GRM7: variants seen among roughly 807,000 people sequenced by gnomAD.
GRM7 encodes metabotropic glutamate receptor 7.
A neutral mutation model predicts 84.5 loss-of-function variants in GRM7; 35 were observed. The ratio of observed to expected loss-of-function variants is 0.41; its 90% CI spans 0.32 to 0.55. GRM7 has a LOEUF of 0.55. Among genes scored for constraint, GRM7 ranks in the 20% least tolerant of loss-of-function variants. GRM7 has a pLI of 0.19. For missense variants in GRM7, 1,003 were observed against 1,194.6 expected (o/e 0.84, Z 2.36); for synonymous variants, 487 against 455.1 (o/e 1.07, Z -0.89).
chr3:7,378,959 A>G (rs1694472549), intron 4 of GRM7, among the ~76,000 whole-genome samples: 1 of 152,248 alleles, frequency 6.6e-6, no homozygotes, highest in South Asian at 2.1e-4. Flanking sequence ...TCTAACAGAA[A>G]CACTATCCAG....
At chr3:7,731,309 A>G (rs1427048521) in intron 9 of GRM7, among the ~76,000 whole-genome samples, 1 of 152,136 alleles carries the variant, frequency 6.6e-6, no homozygotes, top group Non-Finnish European at 1.5e-5. Context: ...AAAGGGATGG[A>G]AAAAAAGGAT....
chr3:7,138,147 C>T (rs978215241), intron 1 of GRM7, among the ~76,000 whole-genome samples: 1 of 151,964 alleles, frequency 6.6e-6, no homozygotes, highest in Non-Finnish European at 1.5e-5. Context: ...TGGCTATTCA[C>T]TTGGCTATCT....
intron 7 of GRM7, among the ~76,000 whole-genome samples, chr3:7,473,022 C>A (rs1698764947): frequency 6.6e-6 from 1 of 152,174 alleles, no homozygotes; most frequent in African/African-American, 2.4e-5. Flanking sequence ...ATATACCCAG[C>A]TCTCACATTC....
intron 1 of GRM7, among the ~76,000 whole-genome samples, chr3:6,931,779 T>C (rs537738123): frequency 5.3e-5 from 8 of 152,246 alleles, no homozygotes; most frequent in Non-Finnish European, 1.0e-4. Context: ...GTGTCTCTCT[T>C]TTTGGCTATT....
intron 1 of GRM7, among the ~76,000 whole-genome samples, chr3:6,900,862 G>T: frequency 6.6e-6 from 1 of 152,162 alleles, no homozygotes; most frequent in East Asian, 1.9e-4. Flanking sequence ...ACCTAGCCCT[G>T]CAAGCACCAG....
chr3:7,678,718 T>C (rs1008992984), intron 8 of GRM7, among the ~76,000 whole-genome samples: 19 of 152,362 alleles, frequency 1.2e-4, no homozygotes, highest in Admixed American at 3.9e-4. Context: ...TTCAAATTAA[T>C]GTTGGCTAGA....
intron 7 of GRM7, among the ~76,000 whole-genome samples, chr3:7,481,170 C>T (rs1699113355): frequency 6.6e-6 from 1 of 151,948 alleles, no homozygotes; most frequent in South Asian, 2.1e-4. Context: ...CATCAATCTC[C>T]CAGGCTGAAG....
chr3:7,604,252 A>C (rs1696456563), intron 8 of GRM7, among the ~76,000 whole-genome samples: 1 of 152,188 alleles, frequency 6.6e-6, no homozygotes, highest in South Asian at 2.1e-4. Context: ...TGTGATCATA[A>C]AATAAGACTG....
chr3:7,278,396 C>G (rs983569487), intron 2 of GRM7, among the ~76,000 whole-genome samples: 2 of 152,026 alleles, frequency 1.3e-5, no homozygotes, highest in Non-Finnish European at 2.9e-5. Flanking sequence ...TGAAAGAAAA[C>G]ATGTTATTAA....
chr3:7,317,776 CTG>C (rs941591874), intron 4 of GRM7, among the ~76,000 whole-genome samples: 18 of 150,676 alleles, frequency 1.2e-4, no homozygotes, highest in African/African-American at 3.9e-4. Flanking sequence ...AAAAAAAAAA[CTG>C]TGCAAGGTAG....
intron 7 of GRM7, among the ~76,000 whole-genome samples, chr3:7,509,365 A>C (rs1355091820): frequency 6.6e-6 from 1 of 152,200 alleles, no homozygotes. Flanking sequence ...TACAGTTTGA[A>C]AAAACATAGT....
intron 1 of GRM7, among the ~76,000 whole-genome samples, chr3:6,994,352 A>G (rs1045000099): frequency 6.6e-6 from 1 of 152,182 alleles, no homozygotes; most frequent in African/African-American, 2.4e-5. Flanking sequence ...CGATAAAGGA[A>G]ACCTGAGCAT....
intron 8 of GRM7, among the ~76,000 whole-genome samples, chr3:7,644,698 A>G (rs920450404): frequency 6.6e-6 from 1 of 152,246 alleles, no homozygotes; most frequent in Non-Finnish European, 1.5e-5. Flanking sequence ...AAATTACCAT[A>G]GAAAATGTTT....
chr3:7,715,041 C>G (rs766644632), intron 9 of GRM7, among the ~76,000 whole-genome samples: 1 of 152,100 alleles, frequency 6.6e-6, no homozygotes, highest in African/African-American at 2.4e-5. Flanking sequence ...GACATGCCTT[C>G]GATTTGGGAG....
At position 7,648,831 on chromosome 3, in the gene GRM7, T is replaced by A. The variant is rs192462525; in HGVS notation, c.2452-31218T>A. ...ACTACAAAAATAGGTCTTCTAGGACTTGGCGAAAGTCAGACGTTGTGGCGT... is the reference window on the plus strand; with the variant it reads ...ACTACAAAAATAGGTCTTCTAGGACATGGCGAAAGTCAGACGTTGTGGCGT... On this transcript the variant is annotated intron_variant, in intron 8 of 9. Transcript: ENST00000357716. Among the ~76,000 whole-genome samples, 40 of 152,284 alleles carry A rather than the reference T, an allele frequency of 2.6e-4. No individual in the cohort carries two copies. In the East Asian group the frequency reaches 6.2e-3, roughly 24 times the overall value.
At chr3:7,529,389 A>C (rs1204199155) in intron 7 of GRM7, among the ~76,000 whole-genome samples, 1 of 152,162 alleles carries the variant, frequency 6.6e-6, no homozygotes, top group Non-Finnish European at 1.5e-5. Flanking sequence ...CTAGCAAGCC[A>C]GCTGTCTATT....
chr3:7,199,297 G>T (rs190583803), intron 2 of GRM7, among the ~76,000 whole-genome samples: 20 of 152,330 alleles, frequency 1.3e-4, no homozygotes, highest in East Asian at 1.2e-3. Context: ...GAGAGATCTG[G>T]ATGACCAGAT....
chr3:7,368,757 G>T (rs542432249), intron 4 of GRM7, among the ~76,000 whole-genome samples: 4 of 152,056 alleles, frequency 2.6e-5, no homozygotes, highest in Non-Finnish European at 5.9e-5. Context: ...ACTGTTCTTG[G>T]TATAGTAGTC....
chr3:7,390,269 TC>T (rs1272235316), intron 4 of GRM7, among the ~76,000 whole-genome samples: 2 of 152,184 alleles, frequency 1.3e-5, no homozygotes, highest in Non-Finnish European at 2.9e-5. Context: ...GACCATTTTC[TC>T]CAGCTGCTTT....
Sources: gnomAD v4.1 joint callset for allele counts (sites outside exome capture counted in the v4.1 genomes callset) on GRCh38, gnomAD v4.1.1 for gene constraint, MANE v1.5 for transcripts, NCBI Gene and HGNC (gene_info 2026-07-23, HGNC 2026-07-21) for gene names.